GABRG3: variants seen among roughly 807,000 people sequenced by gnomAD.
GABRG3 encodes the protein gamma-aminobutyric acid type A receptor subunit gamma3, also known as gamma-aminobutyric acid receptor subunit gamma-3.
GABRG3 carries 25 observed loss-of-function variants against 48.8 expected under a neutral mutation model. The ratio of observed to expected loss-of-function variants is 0.51; its 90% CI spans 0.37 to 0.72. The LOEUF (loss-of-function observed/expected upper bound fraction) is 0.72. Among genes scored for constraint, GABRG3 ranks in the 30% least tolerant of loss-of-function variants. GABRG3 has a pLI of 0.00. For missense variants in GABRG3, 394 were observed against 577.9 expected (o/e 0.68, Z 3.26); for synonymous variants, 227 against 217.6 (o/e 1.04, Z -0.38).
intron 3 of GABRG3, among the ~76,000 whole-genome samples, chr15:27,142,780 G>GTT (rs11366858): frequency 6.8e-6 from 1 of 147,364 alleles, no homozygotes. Context: ...TGTTTGCTTG[G>GTT]TTTTTTTTTT....
intron 3 of GABRG3, among the ~76,000 whole-genome samples, chr15:27,185,271 T>A (rs1888057388): frequency 6.6e-6 from 1 of 152,180 alleles, no homozygotes; most frequent in South Asian, 2.1e-4. Context: ...AAATTTTTCC[T>A]TTGACATATG....
At chr15:27,106,078 T>C (rs925547986) in intron 3 of GABRG3, among the ~76,000 whole-genome samples, 2 of 152,060 alleles carry the variant, frequency 1.3e-5, no homozygotes, top group South Asian at 2.1e-4. Flanking sequence ...ATAAAGTCCG[T>C]CAACTATACA....
At chr15:27,242,593 G>T (rs563422059) in intron 3 of GABRG3, among the ~76,000 whole-genome samples, 1 of 152,274 alleles carries the variant, frequency 6.6e-6, no homozygotes, top group East Asian at 1.9e-4. Flanking sequence ...TCAGAACAAA[G>T]TTACTTCTAG....
intron 3 of GABRG3, among the ~76,000 whole-genome samples, chr15:27,156,298 CAAAAAAAA>C (rs34055206): frequency 9.0e-5 from 7 of 78,124 alleles, no homozygotes; most frequent in Admixed American, 1.6e-4. Context: ...CACTCTGTCT[CAAAAAAAA>C]AAAAAAAAAA....
At chr15:27,098,442 A>C (rs145893893) in intron 3 of GABRG3, among the ~76,000 whole-genome samples, 139 of 152,310 alleles carry the variant, frequency 9.1e-4, no homozygotes, top group Middle Eastern at 6.8e-3. Context: ...TCAAAAACCA[A>C]CAACAACAAA....
chr15:27,403,007 A>C (rs1260096619), intron 5 of GABRG3, among the ~76,000 whole-genome samples: 1 of 152,200 alleles, frequency 6.6e-6, no homozygotes, highest in African/African-American at 2.4e-5. Flanking sequence ...GCAGTTATCA[A>C]TCAGACTGCC....
chr15:27,001,181 TG>T (rs1895440319), intron 2 of GABRG3, among the ~76,000 whole-genome samples: 1 of 152,248 alleles, frequency 6.6e-6, no homozygotes, highest in Non-Finnish European at 1.5e-5. Flanking sequence ...TAGATTGTCT[TG>T]AAAAACATTG....
chr15:27,467,772 A>G (rs1889661128), intron 5 of GABRG3, among the ~76,000 whole-genome samples: 2 of 152,344 alleles, frequency 1.3e-5, no homozygotes, highest in South Asian at 2.1e-4. Flanking sequence ...TTTAAAGTAA[A>G]TGGTACATTG....
At chr15:27,532,510 C>A in intron 9 of GABRG3, 90 bp from the exon 10 acceptor site, 2 of 1,231,168 alleles carry the variant, frequency 1.6e-6, no homozygotes, top group East Asian at 2.5e-5. Flanking sequence ...CTATAGGAGA[C>A]AGATGTAATA....
intron 3 of GABRG3, among the ~76,000 whole-genome samples, chr15:27,285,937 C>T (rs1566994292): frequency 6.6e-6 from 1 of 152,284 alleles, no homozygotes; most frequent in East Asian, 1.9e-4. Flanking sequence ...TCACTCACCT[C>T]TCTATCAATG....
intron 3 of GABRG3, among the ~76,000 whole-genome samples, chr15:27,141,913 C>T (rs951983457): frequency 1.3e-5 from 2 of 152,186 alleles, no homozygotes; most frequent in African/African-American, 4.8e-5. Flanking sequence ...CTGTCTTTGC[C>T]ATTGCTTTCT....
chr15:27,193,115 A>G (rs1232105678), intron 3 of GABRG3, among the ~76,000 whole-genome samples: 1 of 152,162 alleles, frequency 6.6e-6, no homozygotes, highest in Non-Finnish European at 1.5e-5. Flanking sequence ...GTGAGGTGTC[A>G]GTCTGCCCCT....
chr15:27,501,965 A>T (rs1329826063), intron 6 of GABRG3, among the ~76,000 whole-genome samples: 1 of 152,150 alleles, frequency 6.6e-6, no homozygotes, highest in African/African-American at 2.4e-5. Context: ...GCATTCTCAC[A>T]CATTGGCTAT....
chr15:27,351,919 G>A (rs1470624066), intron 5 of GABRG3, among the ~76,000 whole-genome samples: 1 of 149,830 alleles, frequency 6.7e-6, no homozygotes, highest in African/African-American at 2.5e-5. Context: ...TAGTGTGTGT[G>A]TGTTTGTGTG....
At chr15:27,117,171 C>T (rs1897655991) in intron 3 of GABRG3, among the ~76,000 whole-genome samples, 1 of 152,232 alleles carries the variant, frequency 6.6e-6, no homozygotes, top group Admixed American at 6.5e-5. Flanking sequence ...TTTGGCTTTG[C>T]AGCCCAAAGC....
chr15:27,452,149 C>T (rs1164388842), intron 5 of GABRG3, among the ~76,000 whole-genome samples: 1 of 152,132 alleles, frequency 6.6e-6, no homozygotes, highest in African/African-American at 2.4e-5. Flanking sequence ...CACTAATTGT[C>T]GGGGAAATGC....
intron 3 of GABRG3, among the ~76,000 whole-genome samples, chr15:27,187,717 A>T (rs1482918307): frequency 1.3e-5 from 2 of 151,610 alleles, no homozygotes; most frequent in Admixed American, 6.6e-5. Context: ...TTCAATGTTA[A>T]TTTTTTTTAT....
chr15:27,204,737 A>G (rs1412446272), intron 3 of GABRG3, among the ~76,000 whole-genome samples: 16 of 151,884 alleles, frequency 1.1e-4, no homozygotes, highest in Admixed American at 3.3e-4. Context: ...TATAATTCTC[A>G]TTGTAGAGAT....
chr15:27,262,996 G>A (rs10152981), intron 3 of GABRG3, among the ~76,000 whole-genome samples: 80,229 of 152,004 alleles, frequency 0.53, 22,919 homozygotes, highest in Non-Finnish European at 0.65. Flanking sequence ...GAATCAACCG[G>A]ACTCTCATTC....
Sources: allele counts gnomAD v4.1 joint callset (sites outside exome capture counted in the v4.1 genomes callset), GRCh38; gene constraint gnomAD v4.1.1; transcripts MANE v1.5; gene names NCBI Gene and HGNC (gene_info 2026-07-23, HGNC 2026-07-21).